LINGO2: variants seen among roughly 807,000 people sequenced by gnomAD.
LINGO2 encodes leucine rich repeat and Ig domain containing 2, also known as leucine-rich repeat and immunoglobulin-like domain-containing nogo receptor-interacting protein 2.
A neutral mutation model predicts 30.6 loss-of-function variants in LINGO2; 14 were observed. The ratio of observed to expected loss-of-function variants is 0.46; its 90% CI spans 0.30 to 0.72. The LOEUF is 0.72. Among genes scored for constraint, LINGO2 ranks in the 30% least tolerant of loss-of-function variants. The pLI, the probability that LINGO2 is intolerant of heterozygous loss-of-function variation, is 0.07. For synonymous variants in LINGO2, 317 were observed against 288.5 expected (o/e 1.10, Z -1.00); for missense variants, 729 against 751.7 (o/e 0.97, Z 0.35).
chr9:27,985,181 C>T (rs1474763854), intron 5 of LINGO2, among the ~76,000 whole-genome samples: 2 of 151,904 alleles, frequency 1.3e-5, no homozygotes. Context: ...CTCTTCACAA[C>T]ATGAGTGTCA....
chr9:28,810,632 A>G, the LINGO2 span, among the ~76,000 whole-genome samples: 15,089 of 152,170 alleles, frequency 0.099, 814 homozygotes, highest in Middle Eastern at 0.14. Context: ...AAAAAAGATT[A>G]AGAGAGGTGA....
intron 3 of LINGO2, among the ~76,000 whole-genome samples, chr9:28,365,704 C>A (rs1820638454): frequency 6.6e-6 from 1 of 151,470 alleles, no homozygotes; most frequent in South Asian, 2.1e-4. Context: ...GTTTACCCTG[C>A]CTTTTCAGAG....
intron 4 of LINGO2, among the ~76,000 whole-genome samples, chr9:28,224,081 C>T (rs1402092334): frequency 2.6e-5 from 4 of 151,336 alleles, no homozygotes; most frequent in African/African-American, 9.7e-5. Context: ...TTTTTTTTTT[C>T]TGAGACGGAG....
chr9:29,060,679 G>T, the LINGO2 span, among the ~76,000 whole-genome samples: 1 of 151,782 alleles, frequency 6.6e-6, no homozygotes, highest in Non-Finnish European at 1.5e-5. Context: ...GGAAAATACA[G>T]TTTTTAGAAG....
At chr9:28,988,644 C>G in the LINGO2 span, among the ~76,000 whole-genome samples, 1 of 152,132 alleles carries the variant, frequency 6.6e-6, no homozygotes, top group African/African-American at 2.4e-5. Flanking sequence ...CACAATATTC[C>G]CCATGGGGTA....
At chr9:28,863,548 A>G in the LINGO2 span, 1 of 485,002 alleles carries the variant, frequency 2.1e-6, no homozygotes, top group Admixed American at 2.2e-5. Context: ...GTGTCTTGTA[A>G]TACAAAGTGG....
At chr9:28,081,867 T>G (rs1825783229) in intron 4 of LINGO2, among the ~76,000 whole-genome samples, 1 of 152,180 alleles carries the variant, frequency 6.6e-6, no homozygotes. Flanking sequence ...TTCTTTTTTA[T>G]GTCATATAAA....
the LINGO2 span, among the ~76,000 whole-genome samples, chr9:29,185,248 C>T: frequency 6.6e-6 from 1 of 152,156 alleles, no homozygotes; most frequent in South Asian, 2.1e-4. Flanking sequence ...CCTTTCAACA[C>T]TAAGGTCAGA....
intron 4 of LINGO2, among the ~76,000 whole-genome samples, chr9:28,045,329 AG>A: frequency 6.6e-6 from 1 of 152,320 alleles, no homozygotes. Flanking sequence ...AGTATTTTAT[AG>A]ACAGACTGCT....
At chr9:28,176,422 A>C (rs973708934) in intron 4 of LINGO2, among the ~76,000 whole-genome samples, 10 of 152,178 alleles carry the variant, frequency 6.6e-5, no homozygotes, top group African/African-American at 2.4e-4. Context: ...TTTTCATCTG[A>C]ATTTTAATTG....
chr9:28,169,321 G>A (rs1828517520), intron 4 of LINGO2, among the ~76,000 whole-genome samples: 1 of 152,118 alleles, frequency 6.6e-6, no homozygotes, highest in South Asian at 2.1e-4. Flanking sequence ...GTAGAACTGA[G>A]GAAAGTAGGT....
intron 4 of LINGO2, among the ~76,000 whole-genome samples, chr9:28,261,684 C>G (rs952246498): frequency 6.6e-6 from 1 of 151,738 alleles, no homozygotes; most frequent in East Asian, 1.9e-4. Flanking sequence ...GAAAAAAAAT[C>G]CACCTTAATT....
chr9:28,081,315 T>C (rs1825767319), intron 4 of LINGO2, among the ~76,000 whole-genome samples: 1 of 151,834 alleles, frequency 6.6e-6, no homozygotes, highest in South Asian at 2.1e-4. Context: ...AAAGTTCACA[T>C]TCACATTTTA....
At chr9:28,000,360 A>G (rs1213555431) in intron 5 of LINGO2, among the ~76,000 whole-genome samples, 2 of 151,554 alleles carry the variant, frequency 1.3e-5, no homozygotes, top group Admixed American at 1.3e-4. Flanking sequence ...AGTGGTATTA[A>G]CAAGCCGAAA....
At chr9:29,080,184 T>G in the LINGO2 span, among the ~76,000 whole-genome samples, 6 of 152,152 alleles carry the variant, frequency 3.9e-5, no homozygotes, top group African/African-American at 1.4e-4. Context: ...AGGGGGTATG[T>G]GACCAGGAAT....
At chr9:28,442,839 G>A (rs530172136) in intron 2 of LINGO2, among the ~76,000 whole-genome samples, 14 of 152,194 alleles carry the variant, frequency 9.2e-5, no homozygotes, top group Admixed American at 9.2e-4. Context: ...CAATTCTATG[G>A]TTATGAAGGC....
At chr9:29,162,727 ATAAT>A in the LINGO2 span, among the ~76,000 whole-genome samples, 39 of 152,320 alleles carry the variant, frequency 2.6e-4, no homozygotes, top group Admixed American at 6.5e-4. Context: ...CCATTATAAA[ATAAT>A]TAATATAAAA....
chr9:28,251,963 C>T (rs1424100671), intron 4 of LINGO2, among the ~76,000 whole-genome samples: 1 of 152,158 alleles, frequency 6.6e-6, no homozygotes, highest in Non-Finnish European at 1.5e-5. Context: ...TTGATTCTTA[C>T]ATGTTCTACC....
chr9:28,266,033 A>G (rs899718242), intron 4 of LINGO2, among the ~76,000 whole-genome samples: 1 of 152,018 alleles, frequency 6.6e-6, no homozygotes, highest in African/African-American at 2.4e-5. Flanking sequence ...GAATGATTTG[A>G]ATGATTTAAT....
Sources: gnomAD v4.1 joint callset for allele counts (sites outside exome capture counted in the v4.1 genomes callset) on GRCh38, gnomAD v4.1.1 for gene constraint, MANE v1.5 for transcripts, NCBI Gene and HGNC (gene_info 2026-07-23, HGNC 2026-07-21) for gene names.